GTPBP4: variants seen among roughly 807,000 people sequenced by gnomAD.
The protein encoded by GTPBP4 is GTP binding protein 4.
A neutral mutation model predicts 81.7 loss-of-function variants in GTPBP4; 15 were observed. The ratio of observed to expected loss-of-function variants is 0.18; its 90% confidence interval spans 0.12 to 0.28. The LOEUF is 0.28. Ranked by LOEUF, GTPBP4 falls within the 10% of genes least tolerant of loss-of-function variation. The pLI is 1.00. For synonymous variants in GTPBP4, 272 were observed against 274.6 expected (o/e 0.99, Z 0.09); for missense variants, 847 against 793.8 (o/e 1.07, Z -0.81).
chr10:1,014,378 C>T (rs963466687), intron 15 of GTPBP4, 66 bp downstream of exon 15: 30 of 1,190,048 alleles, frequency 2.5e-5, no homozygotes, highest in South Asian at 2.2e-4. Context: ...GAAAACTGGC[C>T]GGGCGTGGTG....
intron 10 of GTPBP4, among the ~76,000 whole-genome samples, chr10:1,007,725 C>G (rs953244527): frequency 6.6e-6 from 1 of 152,228 alleles, no homozygotes; most frequent in African/African-American, 2.4e-5. Context: ...CTGGTGTGTG[C>G]TGCACTGACG....
chr10:991,722 G>C lies in GTPBP4; in HGVS notation c.49-767G>C, dbSNP rs558047143. On this transcript the variant is annotated intron_variant, in intron 1 of 16. Coordinates refer to ENST00000360803, the MANE Select transcript of GTPBP4 (RefSeq NM_012341.3). ...TTTTTTTTTTTTTTTTTGAGACGGAGTCTCGCTCTGTCGCCCAGGCTGGAG... is the reference window on the plus strand; with the variant it reads ...TTTTTTTTTTTTTTTTTGAGACGGACTCTCGCTCTGTCGCCCAGGCTGGAG... 5.1e-5 allele frequency among the ~76,000 whole-genome samples: 6 copies of C among 117,332 alleles called. No individual in the cohort carries two copies. The East Asian group carries it at 1.6e-3, about 31-fold the overall frequency. 77.0% of individuals were successfully genotyped at this position (117,332 alleles called of 152,430 possible). A position where few individuals can be genotyped will look rare whatever the true frequency, so the allele number is the denominator to read the frequency against.
At position 1,007,379 on chromosome 10, in the gene GTPBP4, T is replaced by C. The variant is rs141720519; in HGVS notation, c.1113+251T>C. On this transcript the variant is annotated intron_variant, in intron 10 of 16. Transcript: ENST00000360803. The stretch of plus-strand genomic sequence containing the variant: ...TATCCTTCCAGAAATGTTTCTGATA[T>C]AGAAGATTAGTTTCTAAAAAGTTCT... 7.6e-4 allele frequency: 282 copies of C among 369,044 alleles called. 2 individuals carry two copies. The highest frequency in any genetic ancestry group is 5.5e-3 in the African/African-American group (269 of 48,898). The allele number at this position is 369,044 out of a possible 1,614,324, so 22.9% of individuals were successfully genotyped here.
At chr10:1,000,205 T>G (rs1831601098) in intron 6 of GTPBP4, among the ~76,000 whole-genome samples, 1 of 151,700 alleles carries the variant, frequency 6.6e-6, no homozygotes, top group South Asian at 2.1e-4. Context: ...GTCACTGGTT[T>G]ATTTTGTGGT....
At chr10:1,007,676 A>T (rs906601575) in intron 10 of GTPBP4, among the ~76,000 whole-genome samples, 1 of 152,248 alleles carries the variant, frequency 6.6e-6, no homozygotes, top group African/African-American at 2.4e-5. Flanking sequence ...GCACTTCACC[A>T]TGTGGTGTTG....
chr10:1,013,643 C>G (rs1831920402), intron 14 of GTPBP4, among the ~76,000 whole-genome samples: 2 of 152,084 alleles, frequency 1.3e-5, no homozygotes, highest in Non-Finnish European at 2.9e-5. Flanking sequence ...AATCTGGACT[C>G]TTTAGCAATT....
intron 1 of GTPBP4, among the ~76,000 whole-genome samples, chr10:990,737 A>G (rs1368991245): frequency 6.8e-6 from 1 of 146,970 alleles, no homozygotes; most frequent in East Asian, 1.9e-4. Context: ...CAAAAAAAAA[A>G]AAAAAAAAAA....
chr10:1,004,267 G>C (rs1206824997), intron 8 of GTPBP4, among the ~76,000 whole-genome samples: 1 of 152,158 alleles, frequency 6.6e-6, no homozygotes, highest in Middle Eastern at 3.2e-3. Context: ...GACTAGTCCA[G>C]CTGTCATTTG....
At chr10:997,891 T>C (rs147597556) in intron 5 of GTPBP4, among the ~76,000 whole-genome samples, 3 of 152,238 alleles carry the variant, frequency 2.0e-5, no homozygotes, top group African/African-American at 7.2e-5. Flanking sequence ...CTGACTAGGA[T>C]AAGTGTAACA....
intron 14 of GTPBP4, among the ~76,000 whole-genome samples, chr10:1,013,726 C>T (rs773117877): frequency 8.5e-5 from 13 of 152,216 alleles, no homozygotes; most frequent in Non-Finnish European, 1.9e-4. Context: ...GGGAAGAAAG[C>T]CCACATGCAG....
intron 12 of GTPBP4, 24 bp from the exon 13 acceptor site, chr10:1,010,396 T>A: frequency 7.9e-7 from 1 of 1,260,070 alleles, no homozygotes. Flanking sequence ...GCTGTAAACG[T>A]AACCACCTTT....
In GTPBP4 at chr10:1,009,087, G is replaced by C. The variant is rs545331343; in HGVS notation, c.1191+52G>C. On this transcript the variant is annotated intron_variant, in intron 11 of 16. Transcript: ENST00000360803. ...GTTCTCATGGGGGGAGGCAGGCTGTGTGTGCCCATCGTGGGGGCCTGGGGC... is the reference window on the plus strand; with the variant it reads ...GTTCTCATGGGGGGAGGCAGGCTGTCTGTGCCCATCGTGGGGGCCTGGGGC... 1.5e-5 allele frequency: 21 copies of C among 1,370,060 alleles called. No individual in the cohort carries two copies. The South Asian group carries it at 1.7e-4, about 11-fold the overall frequency. The allele number at this position is 1,370,060 out of a possible 1,614,324, so 84.9% of individuals were successfully genotyped here.
chr10:992,698 G>C, intron 2 of GTPBP4, 39 bp downstream of exon 2: 1 of 1,285,590 alleles, frequency 7.8e-7, no homozygotes, highest in Non-Finnish European at 1.1e-6. Context: ...ATGTAAATAC[G>C]GGCTTTCAGA....
chr10:1,009,892 G>A (rs1831817947), intron 12 of GTPBP4, among the ~76,000 whole-genome samples: 1 of 152,216 alleles, frequency 6.6e-6, no homozygotes, highest in Non-Finnish European at 1.5e-5. Flanking sequence ...TGACACGGGA[G>A]GCTGAGGTGG....
In GTPBP4 at chr10:999,873, C is replaced by T. The variant is rs56996449; in HGVS notation, c.654+778C>T. Among the ~76,000 whole-genome samples the T allele has an allele frequency of 7.2e-5, 11 of 152,234 alleles. No homozygotes were observed. In the South Asian group the frequency reaches 1.9e-3, roughly 26 times the overall value. On this transcript the variant is annotated intron_variant, in intron 6 of 16. Transcript: ENST00000360803. ...ACTTGGAAGGCTGAGGCTGGAGAATCGCTTGAACCCAGAAGACAGGGGTTG... is the reference window on the plus strand; with the variant it reads ...ACTTGGAAGGCTGAGGCTGGAGAATTGCTTGAACCCAGAAGACAGGGGTTG...
intron 12 of GTPBP4, among the ~76,000 whole-genome samples, chr10:1,010,044 C>A (rs1831822759): frequency 6.6e-6 from 1 of 151,884 alleles, no homozygotes; most frequent in Non-Finnish European, 1.5e-5. Context: ...TCCATTGTTT[C>A]CTGTTGTTTT....
chr10:995,107 G>A (rs950355249), intron 2 of GTPBP4, among the ~76,000 whole-genome samples: 2 of 152,128 alleles, frequency 1.3e-5, no homozygotes, highest in Non-Finnish European at 2.9e-5. Context: ...TATATGCACT[G>A]GTGAGATATC....
At position 1,014,330 on chromosome 10, in the gene GTPBP4, T is replaced by A; in HGVS notation, c.1608+18T>A. On this transcript the variant is annotated intron_variant, in intron 15 of 16. Coordinates refer to ENST00000360803, the MANE Select transcript of GTPBP4 (RefSeq NM_012341.3). The stretch of plus-strand genomic sequence containing the variant: ...AAGACGATGTGAGTGTGGGGGCGGT[T>A]CATGTGTTTATGTGGCTGGATACAC... 6.3e-7 allele frequency: 1 copy of A among 1,580,414 alleles called. No individual in the cohort carries two copies. Among genetic ancestry groups the A allele is most frequent in the Non-Finnish European group, 8.7e-7 (1 of 1,149,870 alleles).
Position 991,325 on chromosome 10 carries a change from G to A in GTPBP4, c.49-1164G>A, listed in dbSNP as rs149041144. Among the ~76,000 whole-genome samples, 1,051 of 152,278 alleles carry A rather than the reference G, an allele frequency of 6.9e-3. 13 individuals carry two copies. Among genetic ancestry groups the A allele is most frequent in the Non-Finnish European group, 7.8e-3 (529 of 68,014 alleles). ...TAATCAAATTGTTGAATTAATCAAA[G>A]TGTTCAAGAAAAAAGGTCAAGTAAT... On this transcript the variant is annotated intron_variant, in intron 1 of 16. Coordinates refer to ENST00000360803, the MANE Select transcript of GTPBP4 (RefSeq NM_012341.3).
Sources: gnomAD v4.1 joint callset for allele counts (sites outside exome capture counted in the v4.1 genomes callset) on GRCh38, gnomAD v4.1.1 for gene constraint, MANE v1.5 for transcripts, NCBI Gene and HGNC (gene_info 2026-07-23, HGNC 2026-07-21) for gene names.